SCUBE1: variants seen among roughly 807,000 people sequenced by gnomAD.
The protein encoded by SCUBE1 is signal peptide, CUB domain and EGF like domain containing 1.
Under a neutral mutation model 124.4 loss-of-function variants are expected in SCUBE1, and 59 were observed. The ratio of observed to expected loss-of-function variants is 0.47; its 90% CI spans 0.38 to 0.59. SCUBE1 has a LOEUF of 0.59. SCUBE1 is among the 20% of genes least tolerant of loss of function. The pLI is 0.00. For missense variants in SCUBE1, 1,150 were observed against 1,371.2 expected (o/e 0.84, Z 2.55); for synonymous variants, 545 against 550.9 (o/e 0.99, Z 0.15).
intron 3 of SCUBE1, among the ~76,000 whole-genome samples, chr22:43,301,826 AG>A (rs1270015836): frequency 6.6e-6 from 1 of 152,222 alleles, no homozygotes; most frequent in Non-Finnish European, 1.5e-5. Flanking sequence ...TAACGGACTG[AG>A]CACTTCCAAA....
chr22:43,225,139 C>G (rs1013345596), intron 10 of SCUBE1, among the ~76,000 whole-genome samples: 1 of 152,172 alleles, frequency 6.6e-6, no homozygotes, highest in South Asian at 2.1e-4. Flanking sequence ...CCGAAATCCA[C>G]TTGCCACTCT....
At position 43,245,824 on chromosome 22, in the gene SCUBE1, A is replaced by G. The variant is rs1186250943; in HGVS notation, c.728-6870T>C. Reference sequence around the variant, plus strand: ...CTGCTTGGGGAACAATTTGCAAGGCAAATTATTGTCAGTGGCACTGTCTTC... The same window carrying G: ...CTGCTTGGGGAACAATTTGCAAGGCGAATTATTGTCAGTGGCACTGTCTTC... On this transcript the variant is annotated intron_variant, in intron 6 of 21. Coordinates refer to ENST00000360835, the MANE Select transcript of SCUBE1 (RefSeq NM_173050.5). Among the ~76,000 whole-genome samples the G allele has an allele frequency of 2.6e-5, 4 of 152,184 alleles. No individual in the cohort carries two copies. In the East Asian group the frequency reaches 7.7e-4, roughly 29 times the overall value.
intron 5 of SCUBE1, 23 bp downstream of exon 5, chr22:43,262,697 C>A (rs1923916125): frequency 5.0e-6 from 8 of 1,612,022 alleles, no homozygotes; most frequent in Non-Finnish European, 6.8e-6. Flanking sequence ...GGACGTTTGA[C>A]CCATTTGTCT....
At chr22:43,290,493 C>T (rs1428008278) in intron 4 of SCUBE1, among the ~76,000 whole-genome samples, 1 of 152,272 alleles carries the variant, frequency 6.6e-6, no homozygotes, top group African/African-American at 2.4e-5. Flanking sequence ...GGGTCTGCCA[C>T]CTAGTGCTCC....
At chr22:43,341,932 G>T (rs925946274) in intron 1 of SCUBE1, among the ~76,000 whole-genome samples, 5 of 152,054 alleles carry the variant, frequency 3.3e-5, no homozygotes, top group Admixed American at 1.3e-4. Context: ...GTCACTCAGA[G>T]GTGAGGGACC....
At chr22:43,212,622 G>A in intron 16 of SCUBE1, 30 bp from the exon 17 acceptor site, 1 of 1,550,950 alleles carries the variant, frequency 6.4e-7, no homozygotes, top group East Asian at 2.4e-5. Flanking sequence ...GCTCAGGCGG[G>A]CAGGAGGGCA....
intron 2 of SCUBE1, among the ~76,000 whole-genome samples, chr22:43,332,225 T>C (rs977998126): frequency 1.3e-5 from 2 of 151,936 alleles, no homozygotes; most frequent in Non-Finnish European, 2.9e-5. Context: ...GAGGCGGAGG[T>C]TGCAGTGAGC....
intron 19 of SCUBE1, among the ~76,000 whole-genome samples, chr22:43,209,283 C>T (rs1265242358): frequency 6.6e-6 from 1 of 152,184 alleles, no homozygotes; most frequent in Non-Finnish European, 1.5e-5. Context: ...CTGTGGGTGT[C>T]TGGGTTCCTG....
rs1179848643 is a variant in SCUBE1, at chr22:43,227,492, C to T, written c.1089G>A (p.Val363=). ...ILYGTTHCGD[V]DECSMSNGSC... ...TCCCGTTGCTCATGCTGCACTCGTC[C>T]ACATCTGGAAGCACAGCGGGCGTAA... The change falls in exon 10 of 22, where the codon GTG becomes GTA. Residue 363 remains valine, a synonymous_variant. Coordinates refer to ENST00000360835, the MANE Select transcript of SCUBE1 (RefSeq NM_173050.5). 1.2e-6 allele frequency: 2 copies of T among 1,612,080 alleles called. No homozygotes were observed.
chr22:43,301,612 A>C (rs1333468191), intron 3 of SCUBE1, among the ~76,000 whole-genome samples: 2 of 152,154 alleles, frequency 1.3e-5, no homozygotes, highest in Non-Finnish European at 2.9e-5. Flanking sequence ...CTAAAGTGGC[A>C]GACAGGCCAT....
At position 43,244,412 on chromosome 22, in the gene SCUBE1, T is replaced by A. The variant is rs142578832; in HGVS notation, c.728-5458A>T. Among the ~76,000 whole-genome samples the A allele has an allele frequency of 3.9e-5, 6 of 152,342 alleles. No homozygotes were observed. In the East Asian group the frequency reaches 1.2e-3, roughly 29 times the overall value. On this transcript the variant is annotated intron_variant, in intron 6 of 21. Transcript: ENST00000360835. Reference sequence around the variant, plus strand: ...TGACCAGCACGGCGGAGGTGTCTAATGAGTTGTGCTCAATGACTAGATTAA... The same window carrying A: ...TGACCAGCACGGCGGAGGTGTCTAAAGAGTTGTGCTCAATGACTAGATTAA...
At chr22:43,224,143 T>C (rs192976157) in intron 10 of SCUBE1, among the ~76,000 whole-genome samples, 1 of 152,332 alleles carries the variant, frequency 6.6e-6, no homozygotes, top group Admixed American at 6.5e-5. Context: ...TCCAAGATTG[T>C]TTTAGAAACC....
intron 6 of SCUBE1, among the ~76,000 whole-genome samples, chr22:43,257,076 GAGGA>G (rs1301994342): frequency 2.6e-5 from 4 of 152,234 alleles, no homozygotes; most frequent in African/African-American, 9.6e-5. Context: ...AGACCACACA[GAGGA>G]AGGGAGAGCC....
chr22:43,209,980 G>A (rs866587853), intron 19 of SCUBE1, 63 bp downstream of exon 19: 15 of 1,495,716 alleles, frequency 1.0e-5, no homozygotes, highest in Non-Finnish European at 1.3e-5. Flanking sequence ...TGGCAGAACC[G>A]CAGCGAGACG....
At chr22:43,250,069 T>C (rs755085110) in intron 6 of SCUBE1, among the ~76,000 whole-genome samples, 2 of 152,186 alleles carry the variant, frequency 1.3e-5, no homozygotes, top group African/African-American at 2.4e-5. Context: ...CTCAAATCGA[T>C]AGGAAGTACA....
Position 43,214,162 on chromosome 22 carries a change from G to C in SCUBE1, c.1981C>G (p.Leu661Val). The part of the protein sequence containing the change: ...PGTYQDMEGQ[L>V]SCTPCPSSDG... Reference sequence around the variant, plus strand: ...CTGCTGGGGCACGGTGTGCAACTGAGCTGGCCTTCCATGTCCTGGTATGTT... The same window carrying C: ...CTGCTGGGGCACGGTGTGCAACTGACCTGGCCTTCCATGTCCTGGTATGTT... Residue 661 changes from leucine (L) to valine (V), a missense_variant, in exon 16 of 22, where the codon CTC becomes GTC. Around this residue, in one of 3 missense-constraint regions of SCUBE1, gnomAD observed 757 missense variants for 840.9 expected, o/e 0.90. Coordinates refer to ENST00000360835, the MANE Select transcript of SCUBE1 (RefSeq NM_173050.5). 1 of 1,612,930 alleles carries C rather than the reference G, an allele frequency of 6.2e-7. No homozygotes were observed. The highest frequency in any genetic ancestry group is 1.1e-5 in the South Asian group (1 of 91,058).
At chr22:43,303,306 C>T (rs776810802) in intron 3 of SCUBE1, among the ~76,000 whole-genome samples, 4 of 152,256 alleles carry the variant, frequency 2.6e-5, no homozygotes, top group Non-Finnish European at 4.4e-5. Flanking sequence ...CCTTGGCACA[C>T]GCCAGGCCTG....
At chr22:43,262,964 GTA>G in intron 4 of SCUBE1, 119 bp from the exon 5 acceptor site, 1 of 1,102,910 alleles carries the variant, frequency 9.1e-7, no homozygotes, top group South Asian at 1.4e-5. Flanking sequence ...GTCATTGCAT[GTA>G]TCATGCACAC....
At chr22:43,281,519 C>CCTCCCCTGGCCAT (rs2146738441) in intron 4 of SCUBE1, among the ~76,000 whole-genome samples, 1 of 76,442 alleles carries the variant, frequency 1.3e-5, no homozygotes, top group South Asian at 5.0e-4. Context: ...TCCTCAGCCA[C>CCTCCCCTGGCCAT]CCTCCTGTCA....
Sources: gnomAD v4.1 joint callset for allele counts (sites outside exome capture counted in the v4.1 genomes callset) on GRCh38, gnomAD v4.1.1 for gene constraint, gnomAD v4.1.1 regional missense constraint, MANE v1.5 for transcripts, NCBI Gene and HGNC (gene_info 2026-07-23, HGNC 2026-07-21) for gene names.